FNDC1: variants seen among roughly 807,000 people sequenced by gnomAD.
FNDC1 encodes fibronectin type III domain containing 1.
Under a neutral mutation model 168.0 loss-of-function variants are expected in FNDC1, and 96 were observed. The observed-to-expected ratio is 0.57, with a 90% confidence interval of 0.48 to 0.68. FNDC1 has a LOEUF of 0.68. Among genes scored for constraint, FNDC1 ranks in the 30% least tolerant of loss-of-function variants. FNDC1 has a pLI of 0.00. For synonymous variants in FNDC1, 1,099 were observed against 1,025.9 expected, an observed-to-expected ratio of 1.07 and a Z score of -1.36; for missense variants, 2,587 against 2,482.1, an observed-to-expected ratio of 1.04 and a Z score of -0.90.
intron 18 of FNDC1, among the ~76,000 whole-genome samples, chr6:159,258,378 A>AT (rs373825574): frequency 1.3e-5 from 2 of 151,748 alleles, no homozygotes; most frequent in Non-Finnish European, 2.9e-5. Flanking sequence ...ATAATGGGGG[A>AT]TTTTTTTTCT....
chr6:159,170,405 T>C (rs1289667678), intron 1 of FNDC1, among the ~76,000 whole-genome samples: 1 of 152,230 alleles, frequency 6.6e-6, no homozygotes, highest in Non-Finnish European at 1.5e-5. Flanking sequence ...GATGCTTCCT[T>C]TGAGAGCAAT....
chr6:159,187,649 T>G (rs1403473947), intron 1 of FNDC1, among the ~76,000 whole-genome samples: 8 of 152,214 alleles, frequency 5.3e-5, no homozygotes, highest in Non-Finnish European at 7.4e-5. Context: ...TAGTTTTACA[T>G]CACAGAACCA....
intron 16 of FNDC1, among the ~76,000 whole-genome samples, chr6:159,251,083 A>G (rs577508174): frequency 3.9e-5 from 6 of 152,202 alleles, no homozygotes; most frequent in Non-Finnish European, 8.8e-5. Flanking sequence ...TCCATGGGGC[A>G]ATAGGATCTT....
intron 1 of FNDC1, among the ~76,000 whole-genome samples, chr6:159,183,165 G>A (rs1413703953): frequency 6.6e-6 from 1 of 152,214 alleles, no homozygotes; most frequent in Non-Finnish European, 1.5e-5. Flanking sequence ...GGTAGGATTA[G>A]CTACATTCAT....
chr6:159,269,571 T>TCCATCC (rs1562316200), intron 22 of FNDC1, among the ~76,000 whole-genome samples: 1 of 87,140 alleles, frequency 1.1e-5, no homozygotes, highest in African/African-American at 3.9e-5. Context: ...TCCATCCATC[T>TCCATCC]ATCCTATCTG....
At position 159,184,897 on chromosome 6, in the gene FNDC1, G is replaced by A. The variant is rs189486914; in HGVS notation, c.110-12534G>A. Among the ~76,000 whole-genome samples the A allele has an allele frequency of 7.3e-3, 1,113 of 152,246 alleles. 4 individuals carry two copies. The highest frequency in any genetic ancestry group is 0.011 in the Non-Finnish European group (720 of 68,014). On this transcript the variant is annotated intron_variant, in intron 1 of 22. Transcript: ENST00000297267. ...AAAACCTGCAAAGTACTGGCTTCTAGTTGGGTCTCTGTTGCCTGCCAATGG... is the reference window on the plus strand; with the variant it reads ...AAAACCTGCAAAGTACTGGCTTCTAATTGGGTCTCTGTTGCCTGCCAATGG...
chr6:159,248,989 G>C, intron 15 of FNDC1, 50 bp from the exon 16 acceptor site: 2 of 1,547,870 alleles, frequency 1.3e-6, no homozygotes, highest in Non-Finnish European at 1.7e-6. Flanking sequence ...ACTATAGACA[G>C]TGCTCCTTTT....
chr6:159,195,381 C>T (rs1254670639), intron 1 of FNDC1, among the ~76,000 whole-genome samples: 1 of 149,326 alleles, frequency 6.7e-6, no homozygotes, highest in African/African-American at 2.5e-5. Flanking sequence ...AAGAGTGCTC[C>T]CAAGAGAGGA....
chr6:159,264,926 T>A, intron 19 of FNDC1, 49 bp from the exon 20 acceptor site: 1 of 1,515,158 alleles, frequency 6.6e-7, no homozygotes, highest in Non-Finnish European at 9.0e-7. Flanking sequence ...AAGAATTGCA[T>A]GATTGTGAAA....
At chr6:159,173,628 CT>C (rs1369530661) in intron 1 of FNDC1, among the ~76,000 whole-genome samples, 2 of 152,186 alleles carry the variant, frequency 1.3e-5, no homozygotes, top group African/African-American at 4.8e-5. Flanking sequence ...TACTTAAGTT[CT>C]AAAGGCCCGT....
At chr6:159,235,971 C>T (rs1351744148) in intron 11 of FNDC1, among the ~76,000 whole-genome samples, 4 of 152,264 alleles carry the variant, frequency 2.6e-5, no homozygotes, top group African/African-American at 9.6e-5. Context: ...CACACACTCT[C>T]ATTCCCACAG....
Position 159,202,581 on chromosome 6 carries a change from CCT to C in FNDC1, c.460+2001_460+2002del, listed in dbSNP as rs1782403271. Among the ~76,000 whole-genome samples, 4 of 152,230 alleles carry C rather than the reference CCT, an allele frequency of 2.6e-5. No individual in the cohort carries two copies. In the South Asian group the frequency reaches 8.3e-4, roughly 32 times the overall value. On this transcript the variant is annotated intron_variant, in intron 4 of 22. Transcript: ENST00000297267. ...TTGACTGATAGGGTCTCACATCCTT[CCT>C]GTGTTTTATTAGAAACCAGAGGAAT...
intron 16 of FNDC1, among the ~76,000 whole-genome samples, chr6:159,249,891 AGCAGAGAACAGCTCTT>A (rs1413923856): frequency 3.3e-5 from 5 of 152,216 alleles, no homozygotes; most frequent in African/African-American, 1.2e-4. Context: ...TTCTGCCATG[AGCAGAGAACAGCTCTT>A]GCTAGCCAAG....
chr6:159,243,695 A>G (rs1783480104), intron 14 of FNDC1, among the ~76,000 whole-genome samples: 1 of 152,232 alleles, frequency 6.6e-6, no homozygotes, highest in Non-Finnish European at 1.5e-5. Context: ...ATGGTTTAAA[A>G]TGACATTCAG....
At chr6:159,170,453 C>G (rs1781629861) in intron 1 of FNDC1, among the ~76,000 whole-genome samples, 1 of 152,250 alleles carries the variant, frequency 6.6e-6, no homozygotes, top group African/African-American at 2.4e-5. Context: ...TGTCAGATTT[C>G]TTGCAAGCTT....
intron 1 of FNDC1, among the ~76,000 whole-genome samples, chr6:159,195,057 G>A (rs1294396706): frequency 1.3e-5 from 2 of 151,990 alleles, no homozygotes; most frequent in East Asian, 1.9e-4. Flanking sequence ...GGAGGAGGTC[G>A]CGATATTTGG....
chr6:159,170,287 G>T (rs1204145660), intron 1 of FNDC1, among the ~76,000 whole-genome samples: 1 of 152,210 alleles, frequency 6.6e-6, no homozygotes, highest in African/African-American at 2.4e-5. Context: ...CGGGGGGAAC[G>T]TTCAAGCTGG....
chr6:159,255,407 C>T (rs971146759), intron 17 of FNDC1, among the ~76,000 whole-genome samples: 9 of 152,184 alleles, frequency 5.9e-5, no homozygotes, highest in Non-Finnish European at 1.5e-5. Flanking sequence ...TTTGTGTCCT[C>T]CATGGTGGGC....
rs1411704167 is a variant in FNDC1, at chr6:159,249,069, C to T, written c.4721C>T (p.Thr1574Ile). 4 of 1,603,448 alleles carry T rather than the reference C, an allele frequency of 2.5e-6. No homozygotes were observed. The highest frequency in any genetic ancestry group is 3.4e-6 in the Non-Finnish European group (4 of 1,174,790). The change falls in exon 16 of 23, where the codon ACC becomes ATC. Residue 1574 changes from threonine (T) to isoleucine (I), a missense_variant. Physicochemically the swap from Thr to Ile is moderately conservative, Grantham distance 89. Transcript: ENST00000297267. ...GAATTTGAGACGTCAAGGCCACCAA[C>T]CACCACTGAGCCTTCGACCACTGCT... is the stretch of plus-strand genomic sequence containing the variant. ...DYEFETSRPP[T>I]TTEPSTTATT... is the part of the protein sequence containing the mutation.
Sources: gnomAD v4.1 joint callset for allele counts (sites outside exome capture counted in the v4.1 genomes callset) on GRCh38, gnomAD v4.1.1 for gene constraint, MANE v1.5 for transcripts, NCBI Gene and HGNC (gene_info 2026-07-23, HGNC 2026-07-21) for gene names.